The following HCFC2 variants were observed in gnomAD, a reference collection of about 807,000 sequenced individuals.
HCFC2 encodes the protein host cell factor C2.
HCFC2 carries 18 observed loss-of-function variants against 89.2 expected under a neutral mutation model. That is an observed-to-expected ratio of 0.20 (90% CI 0.14 to 0.30). The LOEUF (loss-of-function observed/expected upper bound fraction) is 0.30. Among genes scored for constraint, HCFC2 ranks in the 10% least tolerant of loss-of-function variants. The probability of loss-of-function intolerance (pLI) is 1.00; values close to 1 mark genes in which losing one functional copy is unlikely to be tolerated. For missense variants in HCFC2, 578 were observed against 956.1 expected (o/e 0.60, Z 5.21); for synonymous variants, 308 against 335.7 (o/e 0.92, Z 0.90).
rs1884144227 is a variant in HCFC2, at chr12:104,095,361, T to A, written c.1464T>A (p.Gly488=). The A allele has an allele frequency of 6.2e-7, 1 of 1,609,706 alleles. No individual in the cohort carries two copies. The highest frequency in any genetic ancestry group is 8.5e-7 in the Non-Finnish European group (1 of 1,176,406). Residue 488 remains glycine, a splice_region_variant and synonymous_variant, in exon 11 of 15, where the codon GGT becomes GGA. Transcript: ENST00000229330. The surrounding 1 kb of genome is among the most constrained non-coding windows in gnomAD (Gnocchi z 4.2). ...HVVDMLRKNE[G]PHTSANVGVL... ...ATTACCTTTTCCCTTTTATTTTAGG[T>A]CCTCACACTTCAGCAAATGTAGGTG...
chr12:104,085,505 G>A (rs564896913), intron 7 of HCFC2, among the ~76,000 whole-genome samples: 36 of 152,130 alleles, frequency 2.4e-4, no homozygotes, highest in Non-Finnish European at 3.1e-4. Context: ...ATTCTCTAAG[G>A]GATCTGTGAC....
chr12:104,092,977 T>C (rs1279343573), intron 9 of HCFC2, among the ~76,000 whole-genome samples: 2 of 152,194 alleles, frequency 1.3e-5, no homozygotes, highest in African/African-American at 4.8e-5. Context: ...GAAGATTCCA[T>C]ATAGCTGAGA....
Position 104,087,970 on chromosome 12 carries a change from T to G in HCFC2, c.1232-16T>G. The G allele has an allele frequency of 3.8e-6, 6 of 1,574,228 alleles. No homozygotes were observed. The highest frequency in any genetic ancestry group is 5.2e-6 in the Non-Finnish European group (6 of 1,151,256). The stretch of plus-strand genomic sequence containing the variant: ...AGTTAAGAGCATATCAGTCTGAACC[T>G]TTCTCATTCCTTCAGGAGTCAGGAT... On this transcript the variant is annotated splice_polypyrimidine_tract_variant and intron_variant, in intron 8 of 14. Coordinates refer to ENST00000229330, the MANE Select transcript of HCFC2 (RefSeq NM_013320.3).
Position 104,095,336 on chromosome 12 carries a change from A to G in HCFC2, c.1463-24A>G. 1 of 1,549,274 alleles carries G rather than the reference A, an allele frequency of 6.5e-7. No homozygotes were observed. The highest frequency in any genetic ancestry group is 1.1e-5 in the South Asian group (1 of 89,282). On this transcript the variant is annotated intron_variant, in intron 10 of 14. Coordinates refer to ENST00000229330, the MANE Select transcript of HCFC2 (RefSeq NM_013320.3). The surrounding 1 kb of genome is among the most constrained non-coding windows in gnomAD (Gnocchi z 4.2). Reference sequence around the variant, plus strand: ...ATTATCTGCAGATATCATATTAATAATTACCTTTTCCCTTTTATTTTAGGT... The same window carrying G: ...ATTATCTGCAGATATCATATTAATAGTTACCTTTTCCCTTTTATTTTAGGT...
chr12:104,077,252 T>G (rs75588270), intron 3 of HCFC2, among the ~76,000 whole-genome samples: 13,491 of 151,768 alleles, frequency 0.089, 871 homozygotes, highest in Admixed American at 0.17. Context: ...TGTTTTTTGT[T>G]TTTTTTTTGA....
chr12:104,084,548 T>C (rs981435435), intron 7 of HCFC2, among the ~76,000 whole-genome samples: 9 of 152,190 alleles, frequency 5.9e-5, no homozygotes, highest in African/African-American at 1.9e-4. Flanking sequence ...GTTAGAGAGA[T>C]GACCACAGGA....
intron 3 of HCFC2, among the ~76,000 whole-genome samples, chr12:104,075,308 GT>G (rs2136601371): frequency 6.6e-6 from 1 of 151,636 alleles, no homozygotes; most frequent in Non-Finnish European, 1.5e-5. Context: ...CTAAATATTA[GT>G]TTTGTCTAAT....
Position 104,082,531 on chromosome 12 carries a change from A to G in HCFC2, c.799A>G (p.Lys267Glu). 1 of 1,613,162 alleles carries G rather than the reference A, an allele frequency of 6.2e-7. No homozygotes were observed. The highest frequency in any genetic ancestry group is 8.5e-7 in the Non-Finnish European group (1 of 1,179,208). The change falls in exon 6 of 15, where the codon AAG becomes GAG. Residue 267 changes from lysine (K) to glutamate (E), a missense_variant. Around this residue, in one of 4 missense-constraint regions of HCFC2, gnomAD observed 206 missense variants for 419.2 expected, o/e 0.49. Coordinates refer to ENST00000229330, the MANE Select transcript of HCFC2 (RefSeq NM_013320.3). ...CATTTTTGGTGGATGGGTCCCACAT[A>G]AGGGGGAAAATACTGAGACTTCACC... Reference protein sequence around the residue: ...MYIFGGWVPHKGENTETSPHD... With the variant: ...MYIFGGWVPHEGENTETSPHD...
chr12:104,066,068 C>T, intron 1 of HCFC2, 99 bp from the exon 2 acceptor site: 2 of 1,182,512 alleles, frequency 1.7e-6, no homozygotes, highest in Non-Finnish European at 2.5e-6. Context: ...CAGAATCATC[C>T]CCAGTTGAGA....
rs1883221872 is a variant in HCFC2, at chr12:104,068,557, TAG to T, written c.473+453_473+454del. On this transcript the variant is annotated intron_variant, in intron 3 of 14. Transcript: ENST00000229330. This position sits in a 1 kb window ranked among gnomAD's most constrained non-coding sequence, Gnocchi z 4.1. ...TTCCATGTTTTATACAGGAAGCTAT[TAG>T]AGTAGTTCACGCTAGCATATACTTT... Among the ~76,000 whole-genome samples, 2 of 152,224 alleles carry T rather than the reference TAG, an allele frequency of 1.3e-5. No individual in the cohort carries two copies. Among genetic ancestry groups the T allele is most frequent in the Admixed American group, 1.3e-4 (2 of 15,284 alleles).
In HCFC2 at chr12:104,066,248, C is replaced by G. The variant is rs1183996443; in HGVS notation, c.245C>G (p.Thr82Ser). ...CAAHGFVCDGTRILVFGGMVE... is the reference protein window; with the variant it reads ...CAAHGFVCDGSRILVFGGMVE... Reference sequence around the variant, plus strand: ...GCCCATGGATTTGTCTGTGATGGTACCAGAATATTAGTATTTGGGGGAATG... The same window carrying G: ...GCCCATGGATTTGTCTGTGATGGTAGCAGAATATTAGTATTTGGGGGAATG... Residue 82 changes from threonine to serine, a missense_variant, in exon 2 of 15, where the codon ACC (threonine) becomes AGC (serine). Physicochemically the swap from Thr to Ser is moderately conservative, Grantham distance 58 (BLOSUM62 1). Transcript: ENST00000229330. 6.2e-7 allele frequency: 1 copy of G among 1,611,722 alleles called. No individual in the cohort carries two copies. The highest frequency in any genetic ancestry group is 8.5e-7 in the Non-Finnish European group (1 of 1,178,624).
chr12:104,101,221 C>T (rs918758331), intron 13 of HCFC2, among the ~76,000 whole-genome samples: 1 of 152,164 alleles, frequency 6.6e-6, no homozygotes, highest in East Asian at 1.9e-4. Context: ...TGGTGGCTCA[C>T]GCCTGTAATC....
chr12:104,071,525 G>A (rs889056033), intron 3 of HCFC2, among the ~76,000 whole-genome samples: 2 of 152,332 alleles, frequency 1.3e-5, no homozygotes, highest in East Asian at 1.9e-4. Context: ...CTGTGCCTAC[G>A]GGGAAAGAAG....
chr12:104,102,236 C>A, intron 14 of HCFC2, 83 bp downstream of exon 14: 1 of 1,189,668 alleles, frequency 8.4e-7, no homozygotes, highest in Non-Finnish European at 1.2e-6. Flanking sequence ...TTTAGAAATT[C>A]TTGTTACCAT....
chr12:104,087,250 A>G (rs912904951), intron 8 of HCFC2, among the ~76,000 whole-genome samples: 1 of 151,448 alleles, frequency 6.6e-6, no homozygotes, highest in African/African-American at 2.4e-5. Flanking sequence ...GCTACTTGGG[A>G]GGCTGAAGCA....
rs117767100 is a variant in HCFC2, at chr12:104,094,771, C to T, written c.1463-589C>T. On this transcript the variant is annotated intron_variant, in intron 10 of 14. Coordinates refer to ENST00000229330, the MANE Select transcript of HCFC2 (RefSeq NM_013320.3). ...GAATTGTTGGGTAAACAAAGAGGTG[C>T]GTTGTTTGCTTCAGGGATTTGATGA... Among the ~76,000 whole-genome samples, 54 of 152,090 alleles carry T rather than the reference C, an allele frequency of 3.6e-4. 1 individual carries two copies. The East Asian group carries it at 7.7e-3, about 22-fold the overall frequency.
chr12:104,087,909 A>G (rs1024739020), intron 8 of HCFC2, 77 bp from the exon 9 acceptor site: 2 of 787,508 alleles, frequency 2.5e-6, no homozygotes, highest in Non-Finnish European at 3.8e-6. Flanking sequence ...TTTAATATGT[A>G]ACTTTAAAAA....
intron 8 of HCFC2, 138 bp from the exon 9 acceptor site, chr12:104,087,848 C>A (rs929577158): frequency 1.4e-5 from 6 of 432,432 alleles, no homozygotes; most frequent in African/African-American, 8.3e-5. Flanking sequence ...TCAACTTAAG[C>A]AAACTATTAA....
chr12:104,086,711 G>A (rs1322867681), intron 7 of HCFC2, 136 bp from the exon 8 acceptor site: 4 of 575,664 alleles, frequency 6.9e-6, no homozygotes, highest in African/African-American at 3.8e-5. Flanking sequence ...GTTTATCTGA[G>A]TAAACTTTCC....
Sources: allele counts gnomAD v4.1 joint callset (sites outside exome capture counted in the v4.1 genomes callset), GRCh38; gene constraint gnomAD v4.1.1; regional missense constraint gnomAD v4.1.1; non-coding constraint Gnocchi (gnomAD v3.1); transcripts MANE v1.5; gene names NCBI Gene and HGNC (gene_info 2026-07-23, HGNC 2026-07-21).